Variants in CDH12 observed in about 807,000 individuals in gnomAD.
The protein encoded by CDH12 is cadherin-12.
CDH12 carries 41 observed loss-of-function variants against 74.1 expected under a neutral mutation model. The ratio of observed to expected loss-of-function variants is 0.55; its 90% CI spans 0.43 to 0.72. CDH12 has a LOEUF of 0.72. Ranked by LOEUF, CDH12 falls within the 30% of genes least tolerant of loss-of-function variation. The pLI, the probability that CDH12 is intolerant of heterozygous loss-of-function variation, is 0.00. For missense variants in CDH12, 945 were observed against 977.2 expected (o/e 0.97, Z 0.44); for synonymous variants, 399 against 355.0 (o/e 1.12, Z -1.39).
At chr5:21,895,104 A>G (rs945752605) in intron 6 of CDH12, among the ~76,000 whole-genome samples, 4 of 152,028 alleles carry the variant, frequency 2.6e-5, no homozygotes, top group African/African-American at 4.8e-5. Context: ...AAGGCTGTTC[A>G]GCTGCGCTCA....
chr5:21,936,885 T>A (rs1410423503), intron 6 of CDH12, among the ~76,000 whole-genome samples: 2 of 152,174 alleles, frequency 1.3e-5, no homozygotes, highest in African/African-American at 4.8e-5. Flanking sequence ...AAGACTTGCC[T>A]TGCTTTCCCT....
chr5:21,871,894 T>A (rs1751643244), intron 6 of CDH12, among the ~76,000 whole-genome samples: 1 of 152,154 alleles, frequency 6.6e-6, no homozygotes, highest in Admixed American at 6.5e-5. Flanking sequence ...CTTCTGTGTA[T>A]TAGAAAAGGG....
intron 2 of CDH12, among the ~76,000 whole-genome samples, chr5:22,492,519 G>T: frequency 6.6e-6 from 1 of 151,802 alleles, no homozygotes; most frequent in East Asian, 1.9e-4. Context: ...AGCTAATTTT[G>T]TATTTTTAGT....
intron 3 of CDH12, among the ~76,000 whole-genome samples, chr5:22,243,025 G>A (rs1580440012): frequency 6.6e-6 from 1 of 151,956 alleles, no homozygotes; most frequent in East Asian, 1.9e-4. Flanking sequence ...AGATCTACTT[G>A]TCTTTGTTAA....
intron 3 of CDH12, among the ~76,000 whole-genome samples, chr5:22,247,108 A>T (rs1221162456): frequency 6.6e-6 from 1 of 152,170 alleles, no homozygotes; most frequent in Non-Finnish European, 1.5e-5. Flanking sequence ...TTTAATCCTA[A>T]ACGGACCTTT....
intron 3 of CDH12, among the ~76,000 whole-genome samples, chr5:22,240,234 C>CATCTT (rs1752698545): frequency 6.6e-6 from 1 of 152,098 alleles, no homozygotes; most frequent in South Asian, 2.1e-4. Context: ...AGATATTGAT[C>CATCTT]ATCTTCATTC....
intron 4 of CDH12, among the ~76,000 whole-genome samples, chr5:22,132,583 C>T (rs1346414026): frequency 3.3e-5 from 5 of 151,600 alleles, no homozygotes; most frequent in South Asian, 2.1e-4. Flanking sequence ...GAGGGGGAAA[C>T]GGGGAGTAGT....
At chr5:22,724,694 G>T (rs979954768) in intron 1 of CDH12, among the ~76,000 whole-genome samples, 1 of 151,794 alleles carries the variant, frequency 6.6e-6, no homozygotes, top group Non-Finnish European at 1.5e-5. Context: ...CTCTAAGCAT[G>T]TGTGTGCATG....
chr5:22,111,846 C>T lies in CDH12; in HGVS notation c.-186-32984G>A, dbSNP rs148449953. Among the ~76,000 whole-genome samples the T allele has an allele frequency of 2.7e-3, 406 of 152,156 alleles. 5 individuals carry two copies. Among genetic ancestry groups the T allele is most frequent in the African/African-American group, 9.0e-3 (373 of 41,484 alleles). On this transcript the variant is annotated intron_variant, in intron 4 of 14. Coordinates refer to ENST00000382254, the MANE Select transcript of CDH12 (RefSeq NM_004061.5). ...AATTTGAAATGCATGTATACATACA[C>T]GGGTACTATAATTTTTATGAAGGAA...
intron 2 of CDH12, among the ~76,000 whole-genome samples, chr5:22,451,042 A>G (rs1745022728): frequency 1.3e-5 from 2 of 151,850 alleles, no homozygotes; most frequent in South Asian, 4.1e-4. Context: ...TCTCCCTTGA[A>G]GTAACTACCT....
intron 3 of CDH12, among the ~76,000 whole-genome samples, chr5:22,216,656 G>A (rs1274620613): frequency 6.6e-6 from 1 of 151,834 alleles, no homozygotes; most frequent in Non-Finnish European, 1.5e-5. Context: ...ACATATTTCT[G>A]CTTATGTCTA....
chr5:21,890,755 G>A (rs895243625), intron 6 of CDH12, among the ~76,000 whole-genome samples: 5 of 152,002 alleles, frequency 3.3e-5, no homozygotes, highest in African/African-American at 1.2e-4. Flanking sequence ...TTTGAAAAAC[G>A]AAATAACGCA....
chr5:22,490,659 G>A (rs956914114), intron 2 of CDH12, among the ~76,000 whole-genome samples: 11 of 151,734 alleles, frequency 7.2e-5, no homozygotes, highest in African/African-American at 2.7e-4. Context: ...AAAAAAAACT[G>A]AGGATGGCCA....
intron 2 of CDH12, among the ~76,000 whole-genome samples, chr5:22,493,642 A>G (rs1369111968): frequency 6.6e-6 from 1 of 152,074 alleles, no homozygotes; most frequent in Non-Finnish European, 1.5e-5. Context: ...AAAGTTGGGT[A>G]AAATTTTTCC....
chr5:22,664,675 A>C (rs2126903167), intron 1 of CDH12, among the ~76,000 whole-genome samples: 1 of 152,226 alleles, frequency 6.6e-6, no homozygotes, highest in South Asian at 2.1e-4. Flanking sequence ...TGTTCACTTA[A>C]ATTCTCTGTT....
At chr5:22,272,803 T>C (rs2150401292) in intron 3 of CDH12, among the ~76,000 whole-genome samples, 1 of 152,296 alleles carries the variant, frequency 6.6e-6, no homozygotes, top group East Asian at 1.9e-4. Flanking sequence ...TGTTCGTCTG[T>C]TTTTATGCTG....
chr5:22,034,425 A>AT (rs547701846), intron 5 of CDH12, among the ~76,000 whole-genome samples: 82 of 152,224 alleles, frequency 5.4e-4, no homozygotes, highest in Non-Finnish European at 9.7e-4. Context: ...ACTCTGGCTT[A>AT]TTTTTTTCTA....
At chr5:22,373,317 C>A (rs958243268) in intron 3 of CDH12, among the ~76,000 whole-genome samples, 1 of 152,282 alleles carries the variant, frequency 6.6e-6, no homozygotes, top group Admixed American at 6.5e-5. Flanking sequence ...TTGCAGCCAC[C>A]ACTAGTGCCA....
At chr5:22,118,710 T>C (rs943647636) in intron 4 of CDH12, among the ~76,000 whole-genome samples, 10 of 152,132 alleles carry the variant, frequency 6.6e-5, no homozygotes, top group African/African-American at 1.9e-4. Flanking sequence ...ATTGTCTCCC[T>C]CTTTCTCTCA....
Sources: allele counts gnomAD v4.1 joint callset (sites outside exome capture counted in the v4.1 genomes callset), GRCh38; gene constraint gnomAD v4.1.1; transcripts MANE v1.5; gene names NCBI Gene and HGNC (gene_info 2026-07-23, HGNC 2026-07-21).